Variants in PWWP3B observed in about 807,000 individuals in gnomAD.
The protein encoded by PWWP3B is PWWP domain containing 3B, also known as PWWP domain-containing DNA repair factor 3B.
In PWWP3B, 5 loss-of-function variants were observed where a neutral mutation model predicts 15.7. The ratio of observed to expected loss-of-function variants is 0.32; its 90% confidence interval spans 0.17 to 0.67. The LOEUF (loss-of-function observed/expected upper bound fraction) is 0.67, where lower values mean the gene tolerates loss of function less well. PWWP3B is among the 30% of genes least tolerant of loss of function. The pLI is 0.74. For synonymous variants in PWWP3B, 203 were observed against 179.8 expected, an observed-to-expected ratio of 1.13 and a Z score of -1.03; for missense variants, 519 against 493.1, an observed-to-expected ratio of 1.05 and a Z score of -0.50.
At chrX:106,173,678 A>T (rs758478191) in intron 2 of PWWP3B, among the ~76,000 whole-genome samples, 1 of 112,138 alleles carries the variant, frequency 8.9e-6, no homozygotes, top group African/African-American at 3.2e-5. Flanking sequence ...GAGGCTTCTT[A>T]AAAAACAAAA....
chrX:106,182,602 G>T (rs892798745), intron 2 of PWWP3B, among the ~76,000 whole-genome samples: 2 of 111,059 alleles, frequency 1.8e-5, no homozygotes, highest in Non-Finnish European at 3.8e-5. Flanking sequence ...TGGCTGGAAA[G>T]GGGTGTTGGG....
chrX:106,190,237 T>C (rs1394681825), intron 2 of PWWP3B, among the ~76,000 whole-genome samples: 1 of 112,281 alleles, frequency 8.9e-6, no homozygotes, highest in Admixed American at 9.4e-5. Context: ...ATTGCCTTTC[T>C]AACTGGTATG....
chrX:106,197,414 A>G (rs1295773307), intron 2 of PWWP3B, among the ~76,000 whole-genome samples: 8 of 111,596 alleles, frequency 7.2e-5, no homozygotes, highest in African/African-American at 2.6e-4. Context: ...GCCTGGGTTC[A>G]GGAGAGGGTT....
Position 106,189,808 on chromosome X carries a change from G to A in PWWP3B, c.-400-14177G>A, listed in dbSNP as rs746440589. ...AATTTTTTGTATTTTTAGTAGAGACGGGGTTTCACCGTGTTAGCCAGGATG... is the reference window on the plus strand; with the variant it reads ...AATTTTTTGTATTTTTAGTAGAGACAGGGTTTCACCGTGTTAGCCAGGATG... On this transcript the variant is annotated intron_variant, in intron 2 of 3. Coordinates refer to ENST00000357175, the MANE Select transcript of PWWP3B (RefSeq NM_001171020.2). 3.7e-3 allele frequency among the ~76,000 whole-genome samples: 404 copies of A among 109,129 alleles called. 1 individual carries two copies. The highest frequency in any genetic ancestry group is 0.013 in the African/African-American group (376 of 29,992). 94.8% of individuals were successfully genotyped at this position (109,129 alleles called of 115,157 possible). A position where few individuals can be genotyped will look rare whatever the true frequency, so the allele number is the denominator to read the frequency against.
At chrX:106,181,664 G>A (rs1286675301) in intron 2 of PWWP3B, among the ~76,000 whole-genome samples, 5 of 110,695 alleles carry the variant, frequency 4.5e-5, no homozygotes, top group Admixed American at 9.6e-5. Context: ...GGCAATGACC[G>A]CTCTAGCTAC....
Position 106,206,576 on chromosome X carries a change from A to G in PWWP3B, c.1144A>G (p.Ile382Val), listed in dbSNP as rs190868344. ...GGAAGACGAAGAACTTCCACGCTTC[A>G]TTTTACATTATGAGACACATCCGTT... ...DEEDEELPRF[I>V]LHYETHPFET... is the part of the protein sequence containing the mutation. The change falls in exon 4 of 4, where the codon ATT becomes GTT. Residue 382 changes from isoleucine to valine, a missense_variant. Coordinates refer to ENST00000357175, the MANE Select transcript of PWWP3B (RefSeq NM_001171020.2). 93 of 1,208,059 alleles carry G rather than the reference A, an allele frequency of 7.7e-5. No homozygotes were observed. The African/African-American group carries it at 1.4e-3, about 18-fold the overall frequency.
chrX:106,184,904 C>A (rs1922414581), intron 2 of PWWP3B, among the ~76,000 whole-genome samples: 1 of 110,908 alleles, frequency 9.0e-6, no homozygotes, highest in Non-Finnish European at 1.9e-5. Flanking sequence ...TCTTTGCTTG[C>A]TTCCTTCTGG....
intron 2 of PWWP3B, among the ~76,000 whole-genome samples, chrX:106,182,757 C>T (rs371344272): frequency 2.3e-3 from 256 of 110,578 alleles, no homozygotes; most frequent in African/African-American, 7.6e-3. Context: ...TGAATGGTCA[C>T]GCAGGGAGTA....
At chrX:106,189,121 G>A (rs1227239873) in intron 2 of PWWP3B, among the ~76,000 whole-genome samples, 13 of 112,358 alleles carry the variant, frequency 1.2e-4, no homozygotes, top group East Asian at 1.1e-3. Context: ...CACCAGCAAT[G>A]TATGAGAGTT....
At chrX:106,205,061 C>T (rs1277831809) in intron 3 of PWWP3B, among the ~76,000 whole-genome samples, 158 bp from the exon 4 acceptor site, 1 of 110,317 alleles carries the variant, frequency 9.1e-6, no homozygotes, top group Non-Finnish European at 1.9e-5. Flanking sequence ...TTTTCCACCC[C>T]TCCCCCCCGC....
intron 2 of PWWP3B, among the ~76,000 whole-genome samples, chrX:106,185,059 G>A (rs996079908): frequency 2.7e-5 from 3 of 111,884 alleles, no homozygotes; most frequent in African/African-American, 9.8e-5. Flanking sequence ...TGAAAAGAAA[G>A]CTTGGGCATA....
chrX:106,172,254 A>T (rs1022712455), intron 2 of PWWP3B, among the ~76,000 whole-genome samples: 4 of 108,737 alleles, frequency 3.7e-5, no homozygotes, highest in African/African-American at 1.4e-4. Context: ...CTAAATTTAT[A>T]AAAAAAAATA....
At chrX:106,176,371 G>A (rs1921901229) in intron 2 of PWWP3B, among the ~76,000 whole-genome samples, 1 of 111,635 alleles carries the variant, frequency 9.0e-6, no homozygotes, top group African/African-American at 3.3e-5. Context: ...TGGGATTACA[G>A]GCTTGATAAC....
At chrX:106,198,684 C>A (rs12832157) in intron 2 of PWWP3B, among the ~76,000 whole-genome samples, 1 of 111,604 alleles carries the variant, frequency 9.0e-6, no homozygotes, top group Non-Finnish European at 1.9e-5. Flanking sequence ...CCACCTCCTT[C>A]TACAAATTGG....
intron 2 of PWWP3B, among the ~76,000 whole-genome samples, chrX:106,184,501 A>T (rs1299206838): frequency 9.0e-6 from 1 of 111,549 alleles, no homozygotes; most frequent in Non-Finnish European, 1.9e-5. Flanking sequence ...TCGAGGTCCC[A>T]GTAGGGATCC....
chrX:106,192,284 C>T (rs943606881), intron 2 of PWWP3B, among the ~76,000 whole-genome samples: 13 of 111,337 alleles, frequency 1.2e-4, no homozygotes, highest in Non-Finnish European at 2.3e-4. Context: ...ATGTATGTGT[C>T]GAGGAATTTA....
chrX:106,206,326 T>C lies in PWWP3B; in HGVS notation c.894T>C (p.Pro298=), dbSNP rs1276473621. 2.5e-6 allele frequency: 3 copies of C among 1,203,426 alleles called. No homozygotes were observed. Among genetic ancestry groups the C allele is most frequent in the Non-Finnish European group, 3.4e-6 (3 of 890,971 alleles). ...NPCLDTSQNQ[P]SMESEMGAAA... The stretch of plus-strand genomic sequence containing the variant: ...GCTTAGATACCAGCCAGAATCAACC[T>C]TCCATGGAATCAGAGATGGGGGCTG... The change falls in exon 4 of 4, where the codon CCT becomes CCC. Residue 298 remains proline (P), a synonymous_variant. Transcript: ENST00000357175.
intron 2 of PWWP3B, among the ~76,000 whole-genome samples, chrX:106,184,704 C>T (rs1471845165): frequency 8.9e-6 from 1 of 112,191 alleles, no homozygotes; most frequent in Non-Finnish European, 1.9e-5. Flanking sequence ...CAAAGGTTTG[C>T]TCTAGGCTGT....
At chrX:106,192,536 T>C (rs1923060462) in intron 2 of PWWP3B, among the ~76,000 whole-genome samples, 2 of 111,534 alleles carry the variant, frequency 1.8e-5, no homozygotes, top group Admixed American at 1.9e-4. Flanking sequence ...TGTGTCTCTA[T>C]TTCCTTCAGT....
Sources: gnomAD v4.1 joint callset for allele counts (sites outside exome capture counted in the v4.1 genomes callset) on GRCh38, gnomAD v4.1.1 for gene constraint, MANE v1.5 for transcripts, NCBI Gene and HGNC (gene_info 2026-07-23, HGNC 2026-07-21) for gene names.